PAM: variants seen among roughly 807,000 people sequenced by gnomAD.
PAM encodes the protein peptidyl-glycine alpha-amidating monooxygenase.
Under a neutral mutation model 122.1 loss-of-function variants are expected in PAM, and 72 were observed. The ratio of observed to expected loss-of-function variants is 0.59; its 90% CI spans 0.49 to 0.72. The LOEUF is 0.72. Ranked by LOEUF, PAM falls within the 30% of genes least tolerant of loss-of-function variation. The pLI, the probability that PAM is intolerant of heterozygous loss-of-function variation, is 0.00. For synonymous variants in PAM, 389 were observed against 404.4 expected (o/e 0.96, Z 0.46); for missense variants, 1,106 against 1,183.7 (o/e 0.93, Z 0.96).
At chr5:102,815,469 C>A (rs1769472455) in intron 1 of PAM, among the ~76,000 whole-genome samples, 1 of 152,190 alleles carries the variant, frequency 6.6e-6, no homozygotes, top group Non-Finnish European at 1.5e-5. Flanking sequence ...CTAGTTTATC[C>A]TTTTCAGCTA....
intron 21 of PAM, among the ~76,000 whole-genome samples, chr5:103,016,797 G>A (rs1782147243): frequency 6.6e-6 from 1 of 152,110 alleles, no homozygotes. Context: ...ATCTCTTAGT[G>A]TACATTTCAA....
chr5:102,866,580 CTTG>C (rs139105316), intron 2 of PAM: 21,965 of 391,152 alleles, frequency 0.056, 2,030 homozygotes, highest in African/African-American at 0.25. Context: ...TGAATGCCTG[CTTG>C]TTTATAACAG....
chr5:102,932,966 C>T (rs1752086590), intron 7 of PAM, among the ~76,000 whole-genome samples: 2 of 152,126 alleles, frequency 1.3e-5, no homozygotes, highest in Admixed American at 6.5e-5. Context: ...ACCATTGCAA[C>T]TCATTTTAAT....
At chr5:102,767,253 TG>T (rs1754377551) in intron 1 of PAM, among the ~76,000 whole-genome samples, 1 of 152,152 alleles carries the variant, frequency 6.6e-6, no homozygotes, top group Admixed American at 6.5e-5. Flanking sequence ...TGCTGTTTTT[TG>T]ATAGTGCAGA....
intron 5 of PAM, among the ~76,000 whole-genome samples, chr5:102,918,471 T>G (rs1216266910): frequency 1.3e-5 from 2 of 152,116 alleles, no homozygotes; most frequent in African/African-American, 4.8e-5. Flanking sequence ...GTGCTTAAAT[T>G]TACTATTTAA....
chr5:102,810,760 G>C (rs1419311251), intron 1 of PAM, among the ~76,000 whole-genome samples: 1 of 152,110 alleles, frequency 6.6e-6, no homozygotes, highest in African/African-American at 2.4e-5. Flanking sequence ...CCTGGGAGGC[G>C]GAGGTTGTGG....
chr5:103,012,698 C>CA lies in PAM; in HGVS notation c.2331+2840dup, dbSNP rs552361644. Among the ~76,000 whole-genome samples, 426 of 151,600 alleles carry CA rather than the reference C, an allele frequency of 2.8e-3. 1 individual carries two copies. The highest frequency in any genetic ancestry group is 9.8e-3 in the African/African-American group (407 of 41,350). ...TGAAACCCTGTCTCTATTAAAAATA[C>CA]AAAAAAAATTAGCCAGGCATAGTGG... On this transcript the variant is annotated intron_variant, in intron 21 of 25. Coordinates refer to ENST00000438793, the MANE Select transcript of PAM (RefSeq NM_001177306.2).
At chr5:102,919,988 C>G (rs1007676151) in intron 5 of PAM, among the ~76,000 whole-genome samples, 6 of 152,036 alleles carry the variant, frequency 3.9e-5, no homozygotes, top group African/African-American at 1.2e-4. Flanking sequence ...CCTCACAAGA[C>G]TAGTACTTTA....
At chr5:103,014,598 G>A (rs542948585) in intron 21 of PAM, among the ~76,000 whole-genome samples, 1 of 152,126 alleles carries the variant, frequency 6.6e-6, no homozygotes, top group African/African-American at 2.4e-5. Context: ...TCCTCTTCAC[G>A]ATGAAGGTCA....
chr5:102,884,628 A>T (rs1792371378), intron 3 of PAM, among the ~76,000 whole-genome samples: 1 of 151,890 alleles, frequency 6.6e-6, no homozygotes, highest in South Asian at 2.1e-4. Flanking sequence ...TTTCAGATTT[A>T]TGTAGTCTGA....
intron 3 of PAM, among the ~76,000 whole-genome samples, chr5:102,893,453 A>C (rs771178470): frequency 2.0e-5 from 3 of 151,810 alleles, no homozygotes; most frequent in Non-Finnish European, 4.4e-5. Flanking sequence ...GAATACATTC[A>C]AAATACTAGT....
At chr5:102,817,033 G>T (rs1381735012) in intron 1 of PAM, among the ~76,000 whole-genome samples, 1 of 152,050 alleles carries the variant, frequency 6.6e-6, no homozygotes, top group Non-Finnish European at 1.5e-5. Context: ...ATGTTGGTAT[G>T]TATTTGTCCA....
chr5:102,818,073 C>G (rs184873837), intron 1 of PAM, among the ~76,000 whole-genome samples: 13 of 149,406 alleles, frequency 8.7e-5, no homozygotes, highest in Non-Finnish European at 1.8e-4. Context: ...ATGACCTTAC[C>G]CTGCCCAACT....
Position 102,830,923 on chromosome 5 carries a change from T to A in PAM, c.-373-34900T>A, listed in dbSNP as rs867095249. On this transcript the variant is annotated intron_variant, in intron 1 of 25. Coordinates refer to ENST00000438793, the MANE Select transcript of PAM (RefSeq NM_001177306.2). ...TTGTTTTGTTTTGTTTTTGGTTATC[T>A]GAGAGTCTGAGTTACAAGGTAACTC... Among the ~76,000 whole-genome samples, 13 of 152,344 alleles carry A rather than the reference T, an allele frequency of 8.5e-5. No individual in the cohort carries two copies. The South Asian group carries it at 2.5e-3, about 29-fold the overall frequency.
intron 1 of PAM, among the ~76,000 whole-genome samples, chr5:102,798,206 T>C (rs1395679727): frequency 6.6e-6 from 1 of 152,178 alleles, no homozygotes; most frequent in African/African-American, 2.4e-5. Context: ...AAGATGTGCA[T>C]TGCAGCCAGA....
Position 102,987,620 on chromosome 5 carries a change from A to G in PAM, c.1484-2652A>G, listed in dbSNP as rs571104564. 8.0e-5 allele frequency: 35 copies of G among 439,194 alleles called. 1 individual carries two copies. The highest frequency in any genetic ancestry group is 4.8e-4 in the South Asian group (29 of 60,266). 27.2% of individuals were successfully genotyped at this position (439,194 alleles called of 1,614,324 possible). A position where few individuals can be genotyped will look rare whatever the true frequency, so the allele number is the denominator to read the frequency against. ...GATTTGATCATGCTTGTATCAAAAT[A>G]TCACATGTACCCTATAAATATGTAC... On this transcript the variant is annotated intron_variant, in intron 15 of 25. Coordinates refer to ENST00000438793, the MANE Select transcript of PAM (RefSeq NM_001177306.2).
intron 12 of PAM, 50 bp from the exon 13 acceptor site, chr5:102,959,825 A>C (rs748077225): frequency 1.4e-5 from 17 of 1,251,302 alleles, no homozygotes; most frequent in Non-Finnish European, 1.9e-5. Context: ...TGCATTAAGC[A>C]TGTGTTTTAT....
At chr5:102,982,705 T>A (rs1257305430) in intron 15 of PAM, among the ~76,000 whole-genome samples, 1 of 152,186 alleles carries the variant, frequency 6.6e-6, no homozygotes, top group Non-Finnish European at 1.5e-5. Context: ...AACACTATAG[T>A]TCATCTATAA....
At chr5:102,915,305 T>G (rs1192433177) in intron 5 of PAM, among the ~76,000 whole-genome samples, 1 of 152,056 alleles carries the variant, frequency 6.6e-6, no homozygotes, top group Non-Finnish European at 1.5e-5. Flanking sequence ...GTTTTTGTAA[T>G]AAACAATATA....
Sources: allele counts gnomAD v4.1 joint callset (sites outside exome capture counted in the v4.1 genomes callset), GRCh38; gene constraint gnomAD v4.1.1; transcripts MANE v1.5; gene names NCBI Gene and HGNC (gene_info 2026-07-23, HGNC 2026-07-21).